Variants in SPATA13 observed in about 807,000 individuals in gnomAD.
SPATA13 encodes the protein spermatogenesis associated 13.
Under a neutral mutation model 104.0 loss-of-function variants are expected in SPATA13, and 50 were observed. The ratio of observed to expected loss-of-function variants is 0.48; its 90% CI spans 0.38 to 0.61. SPATA13 has a LOEUF of 0.61. Ranked by LOEUF, SPATA13 falls within the 20% of genes least tolerant of loss-of-function variation. The pLI is 0.00. For synonymous variants in SPATA13, 606 were observed against 667.5 expected (o/e 0.91, Z 1.42); for missense variants, 1,524 against 1,690.6 (o/e 0.90, Z 1.73).
chr13:24,269,024 T>G (rs1372032187), intron 4 of SPATA13, among the ~76,000 whole-genome samples: 1 of 152,220 alleles, frequency 6.6e-6, no homozygotes, highest in Non-Finnish European at 1.5e-5. Context: ...TCTGAGTTCA[T>G]GCTGTGATTT....
At chr13:24,283,474 C>CA (rs1875698058) in intron 4 of SPATA13, among the ~76,000 whole-genome samples, 1 of 152,232 alleles carries the variant, frequency 6.6e-6, no homozygotes, top group Admixed American at 6.5e-5. Context: ...TGCTCAGTGA[C>CA]AGATTGTTGG....
intron 4 of SPATA13, among the ~76,000 whole-genome samples, chr13:24,262,365 A>G (rs1267169947): frequency 6.7e-6 from 1 of 149,698 alleles, no homozygotes; most frequent in Non-Finnish European, 1.5e-5. Context: ...AATTTGTTGG[A>G]ATAACAAATT....
rs916870870 is a variant in SPATA13, at chr13:24,224,466, C to T, written c.1537C>T (p.Pro513Ser). Residue 513 changes from proline (P) to serine (S), a missense_variant, in exon 2 of 13, where the codon CCA becomes TCA. Coordinates refer to ENST00000382108, the MANE Select transcript of SPATA13 (RefSeq NM_001166271.3). ...GGCAGAAGAGCCTGCTCAGAGAGAGCCAGGGCCTGTGTCCTTGCAGGATCC... is the reference window on the plus strand; with the variant it reads ...GGCAGAAGAGCCTGCTCAGAGAGAGTCAGGGCCTGTGTCCTTGCAGGATCC... ...GRAEEPAQRE[P>S]GPVSLQDPLE... is the part of the protein sequence containing the mutation. 1.9e-6 allele frequency: 3 copies of T among 1,551,256 alleles called. No individual in the cohort carries two copies. In the African/African-American group the frequency reaches 4.1e-5, roughly 21 times the overall value.
chr13:23,988,824 T>G lies in SPATA13; in HGVS notation c.-147+4891T>G, dbSNP rs559092785. On this transcript the variant is annotated intron_variant, in intron 2 of 14. Coordinates refer to the SPATA13 transcript ENST00000424834. ...CTTTGTTCATTTGTCAGTCGGGCTGTTGGGTTTTTCTCCCCCCTCTTCTTT... is the reference window on the plus strand; with the variant it reads ...CTTTGTTCATTTGTCAGTCGGGCTGGTGGGTTTTTCTCCCCCCTCTTCTTT... Among the ~76,000 whole-genome samples, 4 of 152,358 alleles carry G rather than the reference T, an allele frequency of 2.6e-5. No homozygotes were observed. The South Asian group carries it at 6.2e-4, about 24-fold the overall frequency.
At chr13:24,000,351 A>G (rs977604621) in intron 2 of SPATA13, among the ~76,000 whole-genome samples, 1 of 152,152 alleles carries the variant, frequency 6.6e-6, no homozygotes, top group Non-Finnish European at 1.5e-5. Flanking sequence ...GCAGGCGACA[A>G]AGTCCAGTGA....
chr13:23,982,517 A>G (rs907069118), intron 1 of SPATA13, among the ~76,000 whole-genome samples: 11 of 152,192 alleles, frequency 7.2e-5, no homozygotes, highest in African/African-American at 2.7e-4. Context: ...AGTAGAACTA[A>G]TACTTTTATA....
At position 24,293,731 on chromosome 13, in the gene SPATA13, C is replaced by T. The variant is rs190569217; in HGVS notation, c.3081-1008C>T. 2.6e-3 allele frequency among the ~76,000 whole-genome samples: 393 copies of T among 152,348 alleles called. 4 individuals carry two copies. Among genetic ancestry groups the T allele is most frequent in the African/African-American group, 9.1e-3 (379 of 41,572 alleles). ...TATTTTGGCAGTCCCTGGTGTCATT[C>T]TTGCTCCTGCTCTCTGCGCCACTTC... On this transcript the variant is annotated intron_variant, in intron 9 of 12. Coordinates refer to ENST00000382108, the MANE Select transcript of SPATA13 (RefSeq NM_001166271.3).
Position 24,223,099 on chromosome 13 carries a change from G to C in SPATA13, c.170G>C (p.Gly57Ala). ...AATGGAGTCTGTGGCTGCAGCCCTG[G>C]TGGCGACACGGACACCCAGGAAGCC... ...CGNGVCGCSP[G>A]GDTDTQEAKL... The change falls in exon 2 of 13, where the codon GGT (glycine) becomes GCT (alanine). Residue 57 changes from glycine (G) to alanine (A), a missense_variant. This residue lies in a region of SPATA13 where 1,089 missense variants were observed against 1,135.9 expected (regional missense o/e 0.96). Coordinates refer to ENST00000382108, the MANE Select transcript of SPATA13 (RefSeq NM_001166271.3). 1.9e-6 allele frequency: 3 copies of C among 1,551,738 alleles called. No homozygotes were observed. Among genetic ancestry groups the C allele is most frequent in the Non-Finnish European group, 2.6e-6 (3 of 1,147,010 alleles).
intron 1 of SPATA13, among the ~76,000 whole-genome samples, chr13:24,198,235 T>C (rs1011270990): frequency 3.3e-5 from 5 of 151,952 alleles, no homozygotes; most frequent in East Asian, 1.9e-4. Flanking sequence ...CCTTGTGATC[T>C]GCCCCCCTTG....
At chr13:24,133,962 G>A (rs1369106212) in intron 3 of SPATA13, among the ~76,000 whole-genome samples, 1 of 152,200 alleles carries the variant, frequency 6.6e-6, no homozygotes, top group Non-Finnish European at 1.5e-5. Context: ...CCTGTCTGAG[G>A]AGGGGGCTGG....
chr13:24,190,365 A>ATATAATATATAATATTATATATTATTATT (rs1869650583), intron 1 of SPATA13, among the ~76,000 whole-genome samples: 1 of 81,308 alleles, frequency 1.2e-5, no homozygotes, highest in African/African-American at 3.9e-5. Context: ...ATATTATTAT[A>ATATAATATATAATATTATATATTATTATT]TATAATATAT....
chr13:23,982,672 T>C (rs1874956854), intron 1 of SPATA13, among the ~76,000 whole-genome samples: 1 of 152,212 alleles, frequency 6.6e-6, no homozygotes, highest in Non-Finnish European at 1.5e-5. Context: ...TTCAATGCAT[T>C]ATCTTCATTG....
At position 24,166,259 on chromosome 13, in the gene SPATA13, C is replaced by CT. The variant is rs1882728655; in HGVS notation, c.-112+5328dup. Among the ~76,000 whole-genome samples, 3 of 152,132 alleles carry CT rather than the reference C, an allele frequency of 2.0e-5. No individual in the cohort carries two copies. In the South Asian group the frequency reaches 6.2e-4, roughly 31 times the overall value. The stretch of plus-strand genomic sequence containing the variant: ...TTCATGAAGAGACTCATATTCTTGT[C>CT]TAGAGGGAGAGGCCCATATGTAAAA... On this transcript the variant is annotated intron_variant, in intron 1 of 12. Transcript: ENST00000382108.
chr13:24,157,670 A>G (rs532710799), upstream of SPATA13, among the ~76,000 whole-genome samples: 553 of 151,980 alleles, frequency 3.6e-3, 3 homozygotes, highest in African/African-American at 0.013. Flanking sequence ...CTCCTCAAAG[A>G]AAAAAAACTG....
chr13:24,286,512 T>A lies in SPATA13; in HGVS notation c.2481+119T>A. The A allele has an allele frequency of 8.9e-7, 1 of 1,127,492 alleles. No homozygotes were observed. Among genetic ancestry groups the A allele is most frequent in the South Asian group, 1.6e-5 (1 of 61,134 alleles). The allele number at this position is 1,127,492 out of a possible 1,614,324, so 69.8% of individuals were successfully genotyped here. A position where few individuals can be genotyped will look rare whatever the true frequency, so the allele number is the denominator to read the frequency against. ...TTGTAATTGATATCTGACATGCAAG[T>A]CACACCTGTAAGAAATTAGGCTGGG... is the stretch of plus-strand genomic sequence containing the variant. On this transcript the variant is annotated intron_variant, in intron 6 of 12. Coordinates refer to ENST00000382108, the MANE Select transcript of SPATA13 (RefSeq NM_001166271.3). The surrounding 1 kb of genome is among the most constrained non-coding windows in gnomAD (Gnocchi z 4.9).
At chr13:24,264,348 AC>A (rs1249886831) in intron 4 of SPATA13, among the ~76,000 whole-genome samples, 5 of 152,208 alleles carry the variant, frequency 3.3e-5, no homozygotes, top group African/African-American at 4.8e-5. Context: ...GCGAACCACC[AC>A]CAAGAGCCAG....
In SPATA13 at chr13:24,251,760, T is replaced by C. The variant is rs749619305; in HGVS notation, c.2062T>C (p.Tyr688His). 6.2e-7 allele frequency: 1 copy of C among 1,614,200 alleles called. No individual in the cohort carries two copies. Among genetic ancestry groups the C allele is most frequent in the East Asian group, 2.2e-5 (1 of 44,866 alleles). Reference protein sequence around the residue: ...PPMPAHQVPPYKAVSARFRPF... With the variant: ...PPMPAHQVPPHKAVSARFRPF... The stretch of plus-strand genomic sequence containing the variant: ...CATGCCTGCTCACCAGGTGCCACCC[T>C]ACAAGGCTGTGTCGGCCCGGTTCCG... The change falls in exon 4 of 13, where the codon TAC becomes CAC. Residue 688 changes from tyrosine to histidine, a missense_variant. Coordinates refer to ENST00000382108, the MANE Select transcript of SPATA13 (RefSeq NM_001166271.3).
At chr13:24,048,069 G>A (rs1008243277) in intron 3 of SPATA13, among the ~76,000 whole-genome samples, 5 of 152,258 alleles carry the variant, frequency 3.3e-5, no homozygotes, top group African/African-American at 4.8e-5. Context: ...ATTGGCCAAC[G>A]CCTCCCACAT....
intron 3 of SPATA13, among the ~76,000 whole-genome samples, chr13:24,039,380 C>T (rs558270208): frequency 9.7e-4 from 147 of 152,326 alleles, no homozygotes; most frequent in African/African-American, 3.4e-3. Flanking sequence ...TAGGGAGAGC[C>T]TCAGTGGCCT....
Sources: gnomAD v4.1 joint callset for allele counts (sites outside exome capture counted in the v4.1 genomes callset) on GRCh38, gnomAD v4.1.1 for gene constraint, gnomAD v4.1.1 regional missense constraint, Gnocchi (gnomAD v3.1) non-coding constraint, MANE v1.5 for transcripts, NCBI Gene and HGNC (gene_info 2026-07-23, HGNC 2026-07-21) for gene names.